Variants in CHAMP1 observed in about 807,000 individuals in gnomAD.
The protein encoded by CHAMP1 is chromosome alignment maintaining phosphoprotein 1.
CHAMP1 carries 4 observed loss-of-function variants against 54.5 expected under a neutral mutation model. The observed-to-expected ratio is 0.07, with a 90% CI of 0.04 to 0.17. The LOEUF is 0.17. CHAMP1 is among the 10% of genes least tolerant of loss of function. The pLI is 1.00. For synonymous variants in CHAMP1, 368 were observed against 342.2 expected (o/e 1.08, Z -0.83); for missense variants, 994 against 968.6 (o/e 1.03, Z -0.35).
At position 114,325,285 on chromosome 13, in the gene CHAMP1, G is replaced by A. The variant is rs1422471067; in HGVS notation, c.1443G>A (p.Lys481=). The A allele has an allele frequency of 6.2e-7, 1 of 1,614,034 alleles. No homozygotes were observed. The highest frequency in any genetic ancestry group is 8.5e-7 in the Non-Finnish European group (1 of 1,180,038). ...GTGGTGGTTCTCCTGATCTCTGGAA[G>A]TCTTCCTTTTTTATTGAGCCTCAGA... ...SSRGGSPDLW[K]SSFFIEPQKP... is the part of the protein sequence containing the mutation. The change falls in exon 3 of 3, where the codon AAG becomes AAA. Residue 481 remains lysine, a synonymous_variant. Coordinates refer to ENST00000361283, the MANE Select transcript of CHAMP1 (RefSeq NM_032436.4).
chr13:114,318,751 T>C (rs1303191398), intron 1 of CHAMP1, among the ~76,000 whole-genome samples: 1 of 151,866 alleles, frequency 6.6e-6, no homozygotes. Context: ...TTGTCACTTC[T>C]AGGATAGCTC....
At chr13:114,317,279 C>T (rs966575324) in intron 1 of CHAMP1, among the ~76,000 whole-genome samples, 8 of 151,902 alleles carry the variant, frequency 5.3e-5, no homozygotes, top group Non-Finnish European at 1.2e-4. Context: ...CCTGCCTTGG[C>T]CTCCCAAAGT....
chr13:114,325,616 T>A lies in CHAMP1; in HGVS notation c.1774T>A (p.Cys592Ser). Reference sequence around the variant, plus strand: ...AATAGATGCCATAGATGATCAAAAATGTGATATTTTGGTTCAGGAAGAACT... The same window carrying A: ...AATAGATGCCATAGATGATCAAAAAAGTGATATTTTGGTTCAGGAAGAACT... ...LQIDAIDDQK[C>S]DILVQEELLA... Residue 592 changes from cysteine to serine, a missense_variant, in exon 3 of 3, where the codon TGT becomes AGT. By Grantham distance (112) the Cys-to-Ser change is moderately radical (BLOSUM62 -1). This residue lies in a region of CHAMP1 where 851 missense variants were observed against 701.3 expected (regional missense o/e 1.21). Coordinates refer to ENST00000361283, the MANE Select transcript of CHAMP1 (RefSeq NM_032436.4). 6.2e-7 allele frequency: 1 copy of A among 1,614,182 alleles called. No individual in the cohort carries two copies. The highest frequency in any genetic ancestry group is 2.2e-5 in the East Asian group (1 of 44,886).
chr13:114,324,012 A>G lies in CHAMP1; in HGVS notation c.170A>G (p.Lys57Arg), dbSNP rs782162864. 11 of 1,614,102 alleles carry G rather than the reference A, an allele frequency of 6.8e-6. No individual in the cohort carries two copies. The highest frequency in any genetic ancestry group is 9.3e-6 in the Non-Finnish European group (11 of 1,180,046). ...GGLGKMIFYQ[K>R]SAKLFHCHKC... ...CTAGGCAAAATGATATTTTACCAGA[A>G]AAGTGCAAAGTTATTTCACTGCCAT... The change falls in exon 3 of 3, where the codon AAA (lysine) becomes AGA (arginine). Residue 57 changes from lysine (K) to arginine (R), a missense_variant. By Grantham distance (26) the Lys-to-Arg change is conservative. Around this residue, in one of 3 missense-constraint regions of CHAMP1, gnomAD observed 84 missense variants for 120.7 expected, o/e 0.70. Transcript: ENST00000361283.
chr13:114,325,531 C>T lies in CHAMP1; in HGVS notation c.1689C>T (p.Leu563=), dbSNP rs782184644. 6.2e-7 allele frequency: 1 copy of T among 1,614,174 alleles called. No individual in the cohort carries two copies. Among genetic ancestry groups the T allele is most frequent in the East Asian group, 2.2e-5 (1 of 44,884 alleles). Residue 563 remains leucine (L), a synonymous_variant, in exon 3 of 3, where the codon CTC becomes CTT. Coordinates refer to ENST00000361283, the MANE Select transcript of CHAMP1 (RefSeq NM_032436.4). ...GGAAGCATGCCCTTTTCCCTGAACTCCCCAAATCTGCTCTATTCTCAGAAT... is the reference window on the plus strand; with the variant it reads ...GGAAGCATGCCCTTTTCCCTGAACTTCCCAAATCTGCTCTATTCTCAGAAT... ...EPRKHALFPE[L]PKSALFSESQ...
chr13:114,322,809 A>G (rs1555379236), intron 2 of CHAMP1: 1 of 152,210 alleles, frequency 6.6e-6, no homozygotes, highest in African/African-American at 2.4e-5. Context: ...GTGTTGATCA[A>G]TATATGCTTA....
intron 2 of CHAMP1, chr13:114,323,577 A>G: frequency 2.6e-6 from 1 of 389,000 alleles, no homozygotes; most frequent in Non-Finnish European, 4.5e-6. Context: ...GAGTCATATC[A>G]TTAGGATTAA....
In CHAMP1 at chr13:114,326,280, G is replaced by T. The variant is rs2087249903; in HGVS notation, c.2438G>T (p.Ter813LeuextTer1). ...LEPPLEEQQI[*>L] Reference sequence around the variant, plus strand: ...CCGCCACTGGAGGAGCAGCAAATTTGATAACACAGTGTGAATATTTGTTCT... The same window carrying T: ...CCGCCACTGGAGGAGCAGCAAATTTTATAACACAGTGTGAATATTTGTTCT... The change falls in exon 3 of 3, where the codon TGA (stop) becomes TTA (leucine). Residue 813 changes from the stop codon to leucine, a stop_lost. Coordinates refer to ENST00000361283, the MANE Select transcript of CHAMP1 (RefSeq NM_032436.4). 6 of 1,561,562 alleles carry T rather than the reference G, an allele frequency of 3.8e-6. No homozygotes were observed. The highest frequency in any genetic ancestry group is 1.2e-5 in the South Asian group (1 of 82,556).
At position 114,324,071 on chromosome 13, in the gene CHAMP1, G is replaced by C; in HGVS notation, c.229G>C (p.Val77Leu). 1 of 1,614,184 alleles carries C rather than the reference G, an allele frequency of 6.2e-7. No homozygotes were observed. The highest frequency in any genetic ancestry group is 8.5e-7 in the Non-Finnish European group (1 of 1,180,040). Residue 77 changes from valine to leucine, a missense_variant, in exon 3 of 3, where the codon GTA becomes CTA. Around this residue, in one of 3 missense-constraint regions of CHAMP1, gnomAD observed 84 missense variants for 120.7 expected, o/e 0.70. Coordinates refer to ENST00000361283, the MANE Select transcript of CHAMP1 (RefSeq NM_032436.4). ...CFFTSKMYSN[V>L]YYHITSKHAS... ...CTTCACCAGCAAGATGTACTCTAAT[G>C]TATACTATCACATCACATCCAAACA...
At position 114,324,965 on chromosome 13, in the gene CHAMP1, G is replaced by A. The variant is rs1594130502; in HGVS notation, c.1123G>A (p.Val375Ile). ...TTCTGCATCCTGGAAATCTTCATCA[G>A]TCTCACCCAGCTCCTGGAAGTCTCC... ...VSSASWKSSS[V>I]SPSSWKSPPA... Residue 375 changes from valine (V) to isoleucine (I), a missense_variant, in exon 3 of 3, where the codon GTC becomes ATC. By Grantham distance (29) the Val-to-Ile change is conservative (BLOSUM62 3). Coordinates refer to ENST00000361283, the MANE Select transcript of CHAMP1 (RefSeq NM_032436.4). The A allele has an allele frequency of 4.3e-6, 7 of 1,613,906 alleles. No homozygotes were observed. The highest frequency in any genetic ancestry group is 2.2e-5 in the East Asian group (1 of 44,850).
intron 2 of CHAMP1, chr13:114,322,036 ATTTTTTTTTTT>A (rs35744396): frequency 2.4e-5 from 3 of 126,694 alleles, no homozygotes; most frequent in East Asian, 2.2e-4. Flanking sequence ...AGAAATGTTA[ATTTTTTTTTTT>A]TTTTTTTTTT....
chr13:114,314,579 C>T lies in CHAMP1; in HGVS notation c.-243C>T, dbSNP rs1003456906. On this transcript the variant is annotated 5_prime_UTR_variant, in exon 1 of 3. Coordinates refer to ENST00000361283, the MANE Select transcript of CHAMP1 (RefSeq NM_032436.4). ...CGCTGCAGGGCCTCGCGGAGCCGCC[C>T]GCGACCGCGAGCCGGGCCCTCCGCG... 1 of 151,816 alleles carries T rather than the reference C, an allele frequency of 6.6e-6. No individual in the cohort carries two copies. Among genetic ancestry groups the T allele is most frequent in the Admixed American group, 6.6e-5 (1 of 15,240 alleles). The allele number at this position is 151,816 out of a possible 1,614,324, so 9.4% of individuals were successfully genotyped here. A position where few individuals can be genotyped will look rare whatever the true frequency, so the allele number is the denominator to read the frequency against.
chr13:114,314,962 T>C (rs965688049), intron 1 of CHAMP1, among the ~76,000 whole-genome samples: 15 of 152,196 alleles, frequency 9.9e-5, no homozygotes, highest in African/African-American at 3.4e-4. Context: ...CTAGACTGCC[T>C]CCTCTTCTGT....
intron 1 of CHAMP1, among the ~76,000 whole-genome samples, chr13:114,317,687 C>T (rs1288852380): frequency 6.6e-6 from 1 of 151,982 alleles, no homozygotes; most frequent in Non-Finnish European, 1.5e-5. Flanking sequence ...CTAATAGAAC[C>T]CATTTAGCTT....
chr13:114,318,697 T>A (rs1201399422), intron 1 of CHAMP1, among the ~76,000 whole-genome samples: 2 of 152,098 alleles, frequency 1.3e-5, no homozygotes, highest in Admixed American at 6.5e-5. Context: ...TAGAGTAGAT[T>A]GTAAACTGTG....
In CHAMP1 at chr13:114,324,931, A is replaced by T; in HGVS notation, c.1089A>T (p.Pro363=). 1 of 1,613,968 alleles carries T rather than the reference A, an allele frequency of 6.2e-7. No individual in the cohort carries two copies. The highest frequency in any genetic ancestry group is 8.5e-7 in the Non-Finnish European group (1 of 1,179,992). ...SVSPGPWKPT[P]SVSSASWKSS... ...CTCCTGGACCTTGGAAACCAACTCCATCTGTGTCTTCTGCATCCTGGAAAT... is the reference window on the plus strand; with the variant it reads ...CTCCTGGACCTTGGAAACCAACTCCTTCTGTGTCTTCTGCATCCTGGAAAT... The change falls in exon 3 of 3, where the codon CCA becomes CCT. Residue 363 remains proline (P), a synonymous_variant. Coordinates refer to ENST00000361283, the MANE Select transcript of CHAMP1 (RefSeq NM_032436.4).
chr13:114,325,783 G>A lies in CHAMP1; in HGVS notation c.1941G>A (p.Lys647=). Residue 647 remains lysine (K), a synonymous_variant, in exon 3 of 3, where the codon AAG becomes AAA. Transcript: ENST00000361283. ...CAGATTTGGATGCGATGGATATTAA[G>A]GGCCAGGAATCAAGCAGTGATCAAG... ...IKTDLDAMDI[K]GQESSSDQEQ... 2 of 1,614,158 alleles carry A rather than the reference G, an allele frequency of 1.2e-6. No individual in the cohort carries two copies. The highest frequency in any genetic ancestry group is 1.7e-6 in the Non-Finnish European group (2 of 1,180,034).
intron 1 of CHAMP1, among the ~76,000 whole-genome samples, chr13:114,315,586 A>G (rs1337403368): frequency 6.6e-6 from 1 of 152,222 alleles, no homozygotes; most frequent in African/African-American, 2.4e-5. Flanking sequence ...TACAGTATAA[A>G]CGAGCACATT....
chr13:114,317,103 C>T (rs771900250), intron 1 of CHAMP1, among the ~76,000 whole-genome samples: 7 of 152,108 alleles, frequency 4.6e-5, no homozygotes, highest in Admixed American at 2.6e-4. Context: ...CTGCAACCTC[C>T]GTCTCCCGGG....
Sources: gnomAD v4.1 joint callset for allele counts (sites outside exome capture counted in the v4.1 genomes callset) on GRCh38, gnomAD v4.1.1 for gene constraint, gnomAD v4.1.1 regional missense constraint, MANE v1.5 for transcripts, NCBI Gene and HGNC (gene_info 2026-07-23, HGNC 2026-07-21) for gene names.